PCDH11X: variants seen among roughly 807,000 people sequenced by gnomAD.
The protein encoded by PCDH11X is protocadherin 11 X-linked.
Under a neutral mutation model 53.3 loss-of-function variants are expected in PCDH11X, and 18 were observed. The ratio of observed to expected loss-of-function variants is 0.34; its 90% CI spans 0.23 to 0.50. PCDH11X has a LOEUF of 0.50. Among genes scored for constraint, PCDH11X ranks in the 20% least tolerant of loss-of-function variants. The pLI is 0.98. For missense variants in PCDH11X, 570 were observed against 1,032.4 expected, an observed-to-expected ratio of 0.55 and a Z score of 6.14; for synonymous variants, 279 against 393.3, an observed-to-expected ratio of 0.71 and a Z score of 3.44.
At chrX:92,431,836 A>T (rs1329027219) in intron 9 of PCDH11X, among the ~76,000 whole-genome samples, 1 of 109,664 alleles carries the variant, frequency 9.1e-6, no homozygotes, top group African/African-American at 3.3e-5. Context: ...CAACTTAGAC[A>T]AGGTTAAAAT....
intron 6 of PCDH11X, among the ~76,000 whole-genome samples, chrX:92,058,447 A>G (rs549385993): frequency 4.5e-4 from 50 of 111,123 alleles, no homozygotes; most frequent in South Asian, 1.8e-3. Flanking sequence ...ACTATATTTC[A>G]TAAACCTACC....
At chrX:92,213,258 C>A (rs200835659) in intron 7 of PCDH11X, among the ~76,000 whole-genome samples, 5 of 111,853 alleles carry the variant, frequency 4.5e-5, no homozygotes, top group East Asian at 5.6e-4. Context: ...GACCTTTAGC[C>A]GTTTGAGTAC....
chrX:92,278,968 C>T (rs771661187), intron 8 of PCDH11X, among the ~76,000 whole-genome samples: 25 of 109,683 alleles, frequency 2.3e-4, no homozygotes, highest in East Asian at 5.8e-4. Context: ...TGTGCCACCA[C>T]GCCTGGCTAA....
Position 92,620,585 on chromosome X carries a change from A to G in PCDH11X, c.*1645A>G, listed in dbSNP as rs1928413018. 1.8e-5 allele frequency: 2 copies of G among 111,131 alleles called. No homozygotes were observed. Among genetic ancestry groups the G allele is most frequent in the Admixed American group, 1.9e-4 (2 of 10,352 alleles). The allele number at this position is 111,131 out of a possible 1,213,427, so 9.2% of individuals were successfully genotyped here. On this transcript the variant is annotated 3_prime_UTR_variant, in exon 11 of 11. Coordinates refer to ENST00000682573, the MANE Select transcript of PCDH11X (RefSeq NM_032968.5). ...TGATTAAACTGTGTGTAAATTTTGT[A>G]ACATAAACTGTGGTAATTGCATAAT...
chrX:92,158,936 G>A (rs1325043635), intron 6 of PCDH11X, among the ~76,000 whole-genome samples: 2 of 111,807 alleles, frequency 1.8e-5, no homozygotes, highest in Non-Finnish European at 3.8e-5. Context: ...GCCCAGCCTA[G>A]AATAGATAAC....
intron 6 of PCDH11X, among the ~76,000 whole-genome samples, chrX:91,989,264 A>AAAG (rs1385893894): frequency 9.0e-6 from 1 of 110,902 alleles, no homozygotes; most frequent in East Asian, 2.8e-4. Context: ...AAGAAAAGAG[A>AAAG]AAGAAGAAGA....
chrX:92,479,185 C>T (rs1324936508), intron 10 of PCDH11X, among the ~76,000 whole-genome samples: 1 of 109,589 alleles, frequency 9.1e-6, no homozygotes, highest in Non-Finnish European at 1.9e-5. Flanking sequence ...ATTGAAATCC[C>T]TGCTTTTTTG....
intron 7 of PCDH11X, among the ~76,000 whole-genome samples, chrX:92,238,268 C>G (rs968717128): frequency 1.8e-5 from 2 of 111,520 alleles, no homozygotes; most frequent in African/African-American, 6.5e-5. Flanking sequence ...TTTGTGTGTA[C>G]ATGTGTTGTA....
intron 10 of PCDH11X, among the ~76,000 whole-genome samples, chrX:92,544,799 G>T (rs899382616): frequency 9.1e-6 from 1 of 109,319 alleles, no homozygotes; most frequent in Non-Finnish European, 1.9e-5. Flanking sequence ...AAATTTACTG[G>T]TGTGTATTAA....
intron 9 of PCDH11X, among the ~76,000 whole-genome samples, chrX:92,406,299 A>G (rs1383219094): frequency 1.9e-5 from 2 of 107,275 alleles, no homozygotes; most frequent in African/African-American, 6.8e-5. Flanking sequence ...GATATATCTC[A>G]TTATTTTAGC....
chrX:92,370,203 C>A (rs966346414), intron 8 of PCDH11X, among the ~76,000 whole-genome samples: 1 of 110,810 alleles, frequency 9.0e-6, no homozygotes. Context: ...TTAATTTCCA[C>A]ATATTTCAGA....
intron 1 of PCDH11X, among the ~76,000 whole-genome samples, chrX:91,794,918 T>C (rs1280650898): frequency 2.7e-5 from 3 of 109,936 alleles, no homozygotes; most frequent in Non-Finnish European, 5.7e-5. Context: ...GGTCTCATGA[T>C]ATCTGATGGT....
At chrX:91,945,068 T>TATATA (rs61515084) in intron 6 of PCDH11X, among the ~76,000 whole-genome samples, 3 of 90,001 alleles carry the variant, frequency 3.3e-5, no homozygotes, top group East Asian at 4.1e-4. Context: ...TATATATATA[T>TATATA]TCTTAAATGT....
intron 6 of PCDH11X, among the ~76,000 whole-genome samples, chrX:92,095,920 G>A (rs745529702): frequency 8.9e-6 from 1 of 111,926 alleles, no homozygotes; most frequent in East Asian, 2.8e-4. Context: ...GTTCCAAGAC[G>A]AAGAGAATCA....
chrX:91,932,453 T>C (rs1483819977), intron 6 of PCDH11X, among the ~76,000 whole-genome samples: 1 of 94,401 alleles, frequency 1.1e-5, no homozygotes, highest in Non-Finnish European at 2.1e-5. Context: ...AAAGATAAAG[T>C]GGAGAAACAT....
intron 10 of PCDH11X, among the ~76,000 whole-genome samples, chrX:92,581,177 A>G (rs1304796301): frequency 1.8e-5 from 2 of 112,040 alleles, no homozygotes; most frequent in African/African-American, 3.3e-5. Context: ...CGTCAACCAC[A>G]TTGACCTACT....
At chrX:92,043,134 A>AT (rs1464771260) in intron 6 of PCDH11X, among the ~76,000 whole-genome samples, 1,801 of 107,646 alleles carry the variant, frequency 0.017, 35 homozygotes, top group African/African-American at 0.058. Context: ...GAGGGAGAAT[A>AT]TTTTTTCAAA....
At chrX:91,823,616 G>C in intron 4 of PCDH11X, among the ~76,000 whole-genome samples, 1 of 111,467 alleles carries the variant, frequency 9.0e-6, no homozygotes, top group East Asian at 2.8e-4. Context: ...GATGGATCTT[G>C]ACTCTTTATC....
At chrX:92,145,764 T>G (rs2065257858) in intron 6 of PCDH11X, among the ~76,000 whole-genome samples, 1 of 108,034 alleles carries the variant, frequency 9.3e-6, no homozygotes, top group Admixed American at 1.0e-4. Flanking sequence ...ATGAAAGGTT[T>G]AATTTTGTAT....
Sources: gnomAD v4.1 joint callset for allele counts (sites outside exome capture counted in the v4.1 genomes callset) on GRCh38, gnomAD v4.1.1 for gene constraint, MANE v1.5 for transcripts, NCBI Gene and HGNC (gene_info 2026-07-23, HGNC 2026-07-21) for gene names.